Variants in EXO1 observed in about 807,000 individuals in gnomAD.
The protein encoded by EXO1 is exonuclease 1.
In EXO1, 69 loss-of-function variants were observed where a neutral mutation model predicts 84.5. The observed-to-expected ratio is 0.82, with a 90% CI of 0.67 to 1.00. The LOEUF (loss-of-function observed/expected upper bound fraction) is 1.00, where lower values mean the gene tolerates loss of function less well. Among genes scored for constraint, EXO1 ranks in the 50% least tolerant of loss-of-function variants. The pLI, the probability that EXO1 is intolerant of heterozygous loss-of-function variation, is 0.00. For missense variants in EXO1, 1,045 were observed against 1,000.7 expected, an observed-to-expected ratio of 1.04 and a Z score of -0.60; for synonymous variants, 373 against 366.1, an observed-to-expected ratio of 1.02 and a Z score of -0.21.
At chr1:241,855,930 G>A (rs558110935) in intron 6 of EXO1, among the ~76,000 whole-genome samples, 3 of 152,178 alleles carry the variant, frequency 2.0e-5, no homozygotes, top group Admixed American at 1.3e-4. Flanking sequence ...CAAGCACCGC[G>A]CGCAGCCCCA....
intron 4 of EXO1, 98 bp downstream of exon 4, chr1:241,850,684 A>T: frequency 1.1e-6 from 1 of 944,922 alleles, no homozygotes; most frequent in Non-Finnish European, 1.7e-6. Flanking sequence ...ACTCAATGCC[A>T]GAACTTATCA....
At chr1:241,852,207 A>G in intron 4 of EXO1, 85 bp from the exon 5 acceptor site, 1 of 1,200,324 alleles carries the variant, frequency 8.3e-7, no homozygotes, top group Non-Finnish European at 1.2e-6. Context: ...TTCTCTTTCC[A>G]TAGTTTTCTC....
chr1:241,884,401 A>G (rs368474318), intron 14 of EXO1, among the ~76,000 whole-genome samples: 7 of 152,238 alleles, frequency 4.6e-5, no homozygotes, highest in African/African-American at 1.7e-4. Context: ...AAACAATAAC[A>G]AAACTTCATT....
chr1:241,860,536 ATTATCTCAAGATGAATATCACGGTACCAG>A lies in EXO1; in HGVS notation c.777_805del (p.His259GlnfsTer21). On this transcript the variant is annotated frameshift_variant, in exon 9 of 16. Transcript: ENST00000366548. LOFTEE classifies it high-confidence loss of function. ...TGTTAGGTTATCAAGAAAATTGGAC[ATTATCTCAAGATGAATATCACGGTACCAG>A]AGGATTACATCAACGGGTTTATTCG... 6.2e-7 allele frequency: 1 copy of A among 1,613,888 alleles called. No homozygotes were observed. The highest frequency in any genetic ancestry group is 8.5e-7 in the Non-Finnish European group (1 of 1,179,752).
chr1:241,881,904 T>G lies in EXO1; in HGVS notation c.2110-12T>G. 2.2e-6 allele frequency: 3 copies of G among 1,339,780 alleles called. No individual in the cohort carries two copies. Among genetic ancestry groups the G allele is most frequent in the Non-Finnish European group, 3.2e-6 (3 of 936,958 alleles). 83.0% of individuals were successfully genotyped at this position (1,339,780 alleles called of 1,614,324 possible). A position where few individuals can be genotyped will look rare whatever the true frequency, so the allele number is the denominator to read the frequency against. Reference sequence around the variant, plus strand: ...TCTAATTTTATTTTATTTTTTGATCTGGGGACTCTAGGAATCTGATTGCAA... The same window carrying G: ...TCTAATTTTATTTTATTTTTTGATCGGGGGACTCTAGGAATCTGATTGCAA... On this transcript the variant is annotated splice_polypyrimidine_tract_variant and intron_variant, in intron 13 of 15. Transcript: ENST00000366548.
intron 10 of EXO1, among the ~76,000 whole-genome samples, chr1:241,863,891 A>G (rs1661549184): frequency 6.6e-6 from 1 of 152,252 alleles, no homozygotes; most frequent in African/African-American, 2.4e-5. Context: ...GAGCTTTTCT[A>G]TCAGTGCAGG....
intron 12 of EXO1, among the ~76,000 whole-genome samples, chr1:241,873,984 C>CT (rs1662257876): frequency 6.6e-6 from 1 of 152,136 alleles, no homozygotes; most frequent in Non-Finnish European, 1.5e-5. Flanking sequence ...GTGATGACCT[C>CT]TGTCAGAATT....
chr1:241,870,609 A>G (rs1662031005), intron 11 of EXO1, among the ~76,000 whole-genome samples: 1 of 152,188 alleles, frequency 6.6e-6, no homozygotes, highest in Admixed American at 6.5e-5. Flanking sequence ...CTGAGTTGAT[A>G]ATTGATATTT....
intron 14 of EXO1, 102 bp downstream of exon 14, chr1:241,882,119 G>A: frequency 3.1e-6 from 2 of 654,454 alleles, no homozygotes; most frequent in East Asian, 5.7e-5. Context: ...AATACCTGTA[G>A]TCTCATTTAT....
At chr1:241,868,965 A>T (rs1322055328) in intron 11 of EXO1, among the ~76,000 whole-genome samples, 1 of 152,224 alleles carries the variant, frequency 6.6e-6, no homozygotes, top group Non-Finnish European at 1.5e-5. Flanking sequence ...CACGTCACGT[A>T]TTAGTTCTAG....
intron 15 of EXO1, among the ~76,000 whole-genome samples, chr1:241,889,085 T>C (rs851798): frequency 1.3e-5 from 2 of 150,530 alleles, no homozygotes; most frequent in African/African-American, 4.9e-5. Flanking sequence ...AGAAAAAAAA[T>C]AATAATAAGA....
chr1:241,889,331 A>G, intron 15 of EXO1, 134 bp from the exon 16 acceptor site: 1 of 761,588 alleles, frequency 1.3e-6, no homozygotes, highest in Non-Finnish European at 2.2e-6. Context: ...ATTGTGTTAT[A>G]TAATGAATTG....
Position 241,857,469 on chromosome 1 carries a change from T to C in EXO1, c.530T>C (p.Phe177Ser). The C allele has an allele frequency of 6.2e-7, 1 of 1,613,830 alleles. No individual in the cohort carries two copies. The part of the protein sequence containing the change: ...IITEDSDLLA[F>S]GCKKVILKMD... ...ACAGAGGACTCGGATCTCCTAGCTT[T>C]TGGCTGTAAAAAGGTACTCACCTCT... is the stretch of plus-strand genomic sequence containing the variant. Residue 177 changes from phenylalanine (F) to serine (S), a missense_variant, in exon 7 of 16, where the codon TTT becomes TCT. By Grantham distance (155) the Phe-to-Ser change is radical. Transcript: ENST00000366548.
chr1:241,860,677 A>T lies in EXO1; in HGVS notation c.917A>T (p.Asp306Val). ...CTGAACGCCTATGAAGATGATGTTG[A>T]TCCTGAAACACTAAGCTACGCTGGG... ...IPLNAYEDDV[D>V]PETLSYAGQY... Residue 306 changes from aspartate to valine, a missense_variant, in exon 9 of 16, where the codon GAT becomes GTT. Coordinates refer to ENST00000366548, the MANE Select transcript of EXO1 (RefSeq NM_130398.4). 6.2e-7 allele frequency: 1 copy of T among 1,613,988 alleles called. No homozygotes were observed. Among genetic ancestry groups the T allele is most frequent in the Non-Finnish European group, 8.5e-7 (1 of 1,179,870 alleles).
At chr1:241,876,101 C>T (rs559690233) in intron 12 of EXO1, among the ~76,000 whole-genome samples, 56 of 152,292 alleles carry the variant, frequency 3.7e-4, no homozygotes, top group African/African-American at 1.1e-3. Flanking sequence ...AGGAAGTCTT[C>T]AAGTTTGAGA....
intron 11 of EXO1, among the ~76,000 whole-genome samples, chr1:241,868,620 GCCACATCACTGCGC>G (rs1174598506): frequency 2.0e-5 from 3 of 152,176 alleles, no homozygotes; most frequent in Non-Finnish European, 4.4e-5. Context: ...GTGAGCCATG[GCCACATCACTGCGC>G]CCCAGCCTGA....
At position 241,858,442 on chromosome 1, in the gene EXO1, C is replaced by T. The variant is rs1034913889; in HGVS notation, c.544-64C>T. ...CAAGAAAGATTTCTTAAAATTATTG[C>T]AGTGGATTAGATAATGACAAAAGTG... On this transcript the variant is annotated intron_variant, in intron 7 of 15. Coordinates refer to ENST00000366548, the MANE Select transcript of EXO1 (RefSeq NM_130398.4). The T allele has an allele frequency of 6.4e-6, 6 of 942,204 alleles. No individual in the cohort carries two copies. In the Admixed American group the frequency reaches 8.7e-5, roughly 14 times the overall value. 58.4% of individuals were successfully genotyped at this position (942,204 alleles called of 1,614,324 possible). A position where few individuals can be genotyped will look rare whatever the true frequency, so the allele number is the denominator to read the frequency against.
intron 15 of EXO1, among the ~76,000 whole-genome samples, chr1:241,886,027 A>G (rs1663052658): frequency 6.6e-6 from 1 of 151,896 alleles, no homozygotes; most frequent in African/African-American, 2.4e-5. Flanking sequence ...CTAATTTTGT[A>G]TCTTTAATAG....
intron 8 of EXO1, among the ~76,000 whole-genome samples, chr1:241,859,022 T>C (rs1045822159): frequency 6.6e-6 from 1 of 152,180 alleles, no homozygotes; most frequent in Non-Finnish European, 1.5e-5. Flanking sequence ...GTGCTATAAC[T>C]CTATAGTAGT....
Sources: gnomAD v4.1 joint callset for allele counts (sites outside exome capture counted in the v4.1 genomes callset) on GRCh38, gnomAD v4.1.1 for gene constraint, MANE v1.5 for transcripts, NCBI Gene and HGNC (gene_info 2026-07-23, HGNC 2026-07-21) for gene names.